PAK3: variants seen among roughly 807,000 people sequenced by gnomAD.
PAK3 encodes the protein serine/threonine-protein kinase PAK 3.
PAK3 carries 4 observed loss-of-function variants against 41.0 expected under a neutral mutation model. The observed-to-expected ratio is 0.10, with a 90% CI of 0.05 to 0.22. The LOEUF (loss-of-function observed/expected upper bound fraction) is 0.22. Among genes scored for constraint, PAK3 ranks in the 10% least tolerant of loss-of-function variants. The pLI is 1.00. For missense variants in PAK3, 205 were observed against 409.9 expected (o/e 0.50, Z 4.32); for synonymous variants, 146 against 139.6 (o/e 1.05, Z -0.32).
chrX:111,218,229 C>T (rs2094898692), intron 17 of PAK3, among the ~76,000 whole-genome samples: 1 of 111,966 alleles, frequency 8.9e-6, no homozygotes, highest in African/African-American at 3.2e-5. Flanking sequence ...TGACCTAAGA[C>T]AGTTCTGTCC....
chrX:111,115,634 T>C (rs1244315312), intron 4 of PAK3, among the ~76,000 whole-genome samples: 2 of 112,306 alleles, frequency 1.8e-5, no homozygotes, highest in African/African-American at 6.5e-5. Context: ...AAAAAAAGTA[T>C]GGGCATGTAA....
chrX:111,157,540 C>T (rs945381897), intron 8 of PAK3, among the ~76,000 whole-genome samples: 2 of 111,206 alleles, frequency 1.8e-5, no homozygotes, highest in Non-Finnish European at 3.8e-5. Flanking sequence ...TCTGTAATCC[C>T]GGCACTTTGG....
intron 11 of PAK3, among the ~76,000 whole-genome samples, chrX:111,179,916 G>A (rs1050666611): frequency 9.0e-6 from 1 of 110,910 alleles, no homozygotes; most frequent in Non-Finnish European, 1.9e-5. Flanking sequence ...GTGTCACCAT[G>A]CCCGGCTAAT....
chrX:111,076,890 G>A (rs1189500618), intron 1 of PAK3, among the ~76,000 whole-genome samples: 1 of 111,252 alleles, frequency 9.0e-6, no homozygotes, highest in African/African-American at 3.3e-5. Flanking sequence ...AATGGTTTCT[G>A]TTTGCAAATG....
chrX:111,068,969 C>T (rs776165598), intron 1 of PAK3, among the ~76,000 whole-genome samples: 1 of 111,905 alleles, frequency 8.9e-6, no homozygotes, highest in East Asian at 2.8e-4. Context: ...TTTCTGAGCC[C>T]GTATTCTCAA....
intron 1 of PAK3, among the ~76,000 whole-genome samples, chrX:110,972,201 G>A (rs1602593785): frequency 9.0e-6 from 1 of 110,799 alleles, no homozygotes; most frequent in African/African-American, 3.3e-5. Flanking sequence ...GTACTACCTC[G>A]AATAGCAGTG....
At chrX:111,126,873 T>C (rs1347767515) in intron 5 of PAK3, among the ~76,000 whole-genome samples, 5 of 111,717 alleles carry the variant, frequency 4.5e-5, no homozygotes, top group Non-Finnish European at 9.4e-5. Context: ...AATGTGCCTA[T>C]AATTTTATAA....
intron 1 of PAK3, among the ~76,000 whole-genome samples, chrX:111,059,991 A>C (rs761704693): frequency 2.7e-5 from 3 of 111,612 alleles, no homozygotes; most frequent in Non-Finnish European, 5.7e-5. Context: ...GTGAGAGTAG[A>C]CATTCATGTT....
chrX:111,200,847 T>G (rs1275605977), intron 16 of PAK3, among the ~76,000 whole-genome samples: 1 of 112,568 alleles, frequency 8.9e-6, no homozygotes, highest in Non-Finnish European at 1.9e-5. Context: ...TTTATTACCT[T>G]CTTCAATTCC....
chrX:111,087,273 T>C (rs1185688216), intron 1 of PAK3, among the ~76,000 whole-genome samples: 1 of 110,436 alleles, frequency 9.1e-6, no homozygotes, highest in Non-Finnish European at 1.9e-5. Context: ...CATCAGTTAA[T>C]TGATATTTAT....
intron 1 of PAK3, among the ~76,000 whole-genome samples, chrX:111,083,866 T>C (rs1220516342): frequency 1.8e-5 from 2 of 112,295 alleles, no homozygotes; most frequent in African/African-American, 6.5e-5. Flanking sequence ...AGCATGACTT[T>C]CACTTGGTTC....
rs761510062 is a variant in PAK3, at chrX:111,202,222, C to T, written c.1407+5582C>T. Among the ~76,000 whole-genome samples, 7 of 111,711 alleles carry T rather than the reference C, an allele frequency of 6.3e-5. No individual in the cohort carries two copies. In the South Asian group the frequency reaches 2.7e-3, roughly 42 times the overall value. On this transcript the variant is annotated intron_variant, in intron 16 of 17. Coordinates refer to ENST00000372007, the MANE Select transcript of PAK3 (RefSeq NM_002578.5). Reference sequence around the variant, plus strand: ...AATGCAATGAATTAACTACTTTTCCCCTTAGTTAGAAAGTGGCTGAGATTT... The same window carrying T: ...AATGCAATGAATTAACTACTTTTCCTCTTAGTTAGAAAGTGGCTGAGATTT...
chrX:110,991,245 T>C (rs759818520), intron 1 of PAK3, among the ~76,000 whole-genome samples: 1 of 112,426 alleles, frequency 8.9e-6, no homozygotes, highest in Admixed American at 9.4e-5. Context: ...TCATAATGAT[T>C]ATTTCTGCCT....
chrX:111,217,870 G>A (rs769817204), intron 17 of PAK3, among the ~76,000 whole-genome samples: 1 of 112,322 alleles, frequency 8.9e-6, no homozygotes, highest in South Asian at 3.7e-4. Context: ...AATTGAAGGT[G>A]TAGGTTATCT....
intron 1 of PAK3, among the ~76,000 whole-genome samples, chrX:110,962,759 G>A (rs922507106): frequency 1.1e-4 from 12 of 112,703 alleles, no homozygotes; most frequent in African/African-American, 3.5e-4. Context: ...TCCCATTAGA[G>A]TGAAAATTCT....
At chrX:111,104,978 T>G (rs2093225317) in intron 4 of PAK3, among the ~76,000 whole-genome samples, 1 of 111,155 alleles carries the variant, frequency 9.0e-6, no homozygotes, top group South Asian at 3.8e-4. Flanking sequence ...TTCATGCACA[T>G]ACACATACAT....
chrX:111,059,337 T>A (rs951997077), intron 1 of PAK3, among the ~76,000 whole-genome samples: 1 of 110,542 alleles, frequency 9.0e-6, no homozygotes, highest in Non-Finnish European at 1.9e-5. Context: ...TATTATTATT[T>A]TTTTGTAATT....
In PAK3 at chrX:111,199,595, C is replaced by A. The variant is rs1569461804; in HGVS notation, c.1407+2955C>A. ...GTAATTTTTAAATTGGATTTTCCTT[C>A]ATTATCAGTAATGATTTATTGATTA... On this transcript the variant is annotated intron_variant, in intron 16 of 17. Transcript: ENST00000372007. Among the ~76,000 whole-genome samples, 3 of 111,762 alleles carry A rather than the reference C, an allele frequency of 2.7e-5. No individual in the cohort carries two copies. The Admixed American group carries it at 2.8e-4, about 11-fold the overall frequency.
intron 5 of PAK3, among the ~76,000 whole-genome samples, chrX:111,133,560 G>A (rs1280107659): frequency 1.8e-5 from 2 of 112,030 alleles, no homozygotes; most frequent in Non-Finnish European, 3.8e-5. Context: ...AGAATAACCT[G>A]TCACTACAGT....
Sources: allele counts gnomAD v4.1 joint callset (sites outside exome capture counted in the v4.1 genomes callset), GRCh38; gene constraint gnomAD v4.1.1; transcripts MANE v1.5; gene names NCBI Gene and HGNC (gene_info 2026-07-23, HGNC 2026-07-21).